The following SUPT3H variants were observed in gnomAD, a reference collection of about 807,000 sequenced individuals.
The protein encoded by SUPT3H is transcription initiation protein SPT3 homolog.
SUPT3H carries 44 observed loss-of-function variants against 44.3 expected under a neutral mutation model. The observed-to-expected ratio is 0.99, with a 90% CI of 0.78 to 1.28. SUPT3H has a LOEUF of 1.28. SUPT3H is among the 50% of genes most tolerant of loss of function. The pLI, the probability that SUPT3H is intolerant of heterozygous loss-of-function variation, is 0.00. For synonymous variants in SUPT3H, 124 were observed against 125.6 expected (o/e 0.99, Z 0.09); for missense variants, 380 against 387.1 (o/e 0.98, Z 0.15).
In SUPT3H at chr6:44,907,613, G is replaced by C. The variant is rs182387321; in HGVS notation, c.912+25040C>G. Among the ~76,000 whole-genome samples the C allele has an allele frequency of 1.7e-4, 26 of 152,316 alleles. 1 individual carries two copies. The East Asian group carries it at 4.8e-3, about 28-fold the overall frequency. ...GAGTTGCTTGAACCTGGGAGGCAGA[G>C]GTTGCAGTGAGCCCAGATCATGCCA... On this transcript the variant is annotated intron_variant, in intron 10 of 10. Transcript: ENST00000371459.
At chr6:45,033,210 A>G (rs987114133) in intron 3 of SUPT3H, among the ~76,000 whole-genome samples, 1 of 152,216 alleles carries the variant, frequency 6.6e-6, no homozygotes, top group African/African-American at 2.4e-5. Flanking sequence ...TTTTATTTCT[A>G]TCTTGTGATT....
intron 11 of SUPT3H, among the ~76,000 whole-genome samples, chr6:44,820,740 G>C (rs534992412): frequency 6.6e-6 from 1 of 152,210 alleles, no homozygotes; most frequent in South Asian, 2.1e-4. Context: ...TATTTTAGAA[G>C]ACAGTAAGTG....
At chr6:45,371,980 C>T (rs993076413) in intron 1 of SUPT3H, 7 of 854,674 alleles carry the variant, frequency 8.2e-6, no homozygotes, top group Non-Finnish European at 8.4e-6. Context: ...TGAGGTCCCC[C>T]GACACCTGGT....
intron 10 of SUPT3H, among the ~76,000 whole-genome samples, chr6:44,923,812 G>A (rs1172290901): frequency 6.6e-6 from 1 of 151,866 alleles, no homozygotes; most frequent in Non-Finnish European, 1.5e-5. Flanking sequence ...CCCCACATCT[G>A]CCTGCTGATT....
In SUPT3H at chr6:45,041,132, T is replaced by A. The variant is rs574447766; in HGVS notation, c.187-20500A>T. 5.9e-5 allele frequency among the ~76,000 whole-genome samples: 9 copies of A among 151,820 alleles called. No homozygotes were observed. The East Asian group carries it at 1.5e-3, about 26-fold the overall frequency. The stretch of plus-strand genomic sequence containing the variant: ...TGCCATCGTGATAAAAACAGCAATA[T>A]CCCTAGCTTCAAGGGGCTTCCATTA... On this transcript the variant is annotated intron_variant, in intron 3 of 10. Coordinates refer to ENST00000371459, the MANE Select transcript of SUPT3H (RefSeq NM_003599.4).
intron 1 of SUPT3H, among the ~76,000 whole-genome samples, 161 bp from the exon 2 acceptor site, chr6:45,365,462 T>C (rs1017053877): frequency 6.6e-6 from 1 of 151,888 alleles, no homozygotes; most frequent in Non-Finnish European, 1.5e-5. Flanking sequence ...TGTTCTTTAT[T>C]AAAATGAAAT....
chr6:45,181,749 G>C (rs1456579827), intron 2 of SUPT3H, among the ~76,000 whole-genome samples: 1 of 151,258 alleles, frequency 6.6e-6, no homozygotes, highest in African/African-American at 2.4e-5. Context: ...ATAGCACTGG[G>C]AGATATACCT....
intron 2 of SUPT3H, among the ~76,000 whole-genome samples, chr6:45,273,553 G>C (rs1180743387): frequency 6.6e-6 from 1 of 151,632 alleles, no homozygotes; most frequent in Non-Finnish European, 1.5e-5. Flanking sequence ...AGTTTATTTT[G>C]TTGTTTAAAA....
chr6:45,058,912 A>G (rs1370816478), intron 3 of SUPT3H, among the ~76,000 whole-genome samples: 1 of 152,026 alleles, frequency 6.6e-6, no homozygotes, highest in East Asian at 1.9e-4. Flanking sequence ...GTGTTTTATA[A>G]AGCTGTTTTT....
chr6:45,120,079 G>C (rs1208529707), intron 2 of SUPT3H, among the ~76,000 whole-genome samples: 1 of 151,926 alleles, frequency 6.6e-6, no homozygotes, highest in Non-Finnish European at 1.5e-5. Context: ...AAGACTTGAA[G>C]AGGTTAACTA....
chr6:45,328,133 G>A (rs1199048006), intron 2 of SUPT3H: 1 of 458,406 alleles, frequency 2.2e-6, no homozygotes, highest in Non-Finnish European at 3.5e-6. Flanking sequence ...TGCCAGGAAA[G>A]GCCTTACCAC....
At chr6:45,145,486 T>G (rs1322350077) in intron 2 of SUPT3H, among the ~76,000 whole-genome samples, 1 of 152,078 alleles carries the variant, frequency 6.6e-6, no homozygotes, top group African/African-American at 2.4e-5. Context: ...TGAAGCTGGA[T>G]CTTCATCTTT....
In SUPT3H at chr6:45,154,671, G is replaced by A. The variant is rs56232702; in HGVS notation, c.102-48665C>T. ...TTAGTCCCAGGCCATTGTTCTTCAG[G>A]CTCATTCATATCCCCTAAAAATCAT... On this transcript the variant is annotated intron_variant, in intron 2 of 10. Coordinates refer to ENST00000371459, the MANE Select transcript of SUPT3H (RefSeq NM_003599.4). 6.0e-3 allele frequency among the ~76,000 whole-genome samples: 918 copies of A among 152,120 alleles called. 14 individuals carry two copies. The highest frequency in any genetic ancestry group is 0.021 in the African/African-American group (876 of 41,502).
At chr6:45,116,927 A>G (rs939991293) in intron 2 of SUPT3H, among the ~76,000 whole-genome samples, 4 of 152,082 alleles carry the variant, frequency 2.6e-5, no homozygotes, top group Non-Finnish European at 4.4e-5. Flanking sequence ...TACTTGAAGA[A>G]ACCATACATC....
At chr6:45,287,628 AT>A (rs1316922035) in intron 2 of SUPT3H, among the ~76,000 whole-genome samples, 5 of 152,174 alleles carry the variant, frequency 3.3e-5, no homozygotes, top group Admixed American at 2.6e-4. Flanking sequence ...AGGAGCAGTT[AT>A]TGTTTAATGG....
chr6:45,372,353 T>C (rs928192774), intron 1 of SUPT3H, among the ~76,000 whole-genome samples: 2 of 152,208 alleles, frequency 1.3e-5, no homozygotes, highest in Non-Finnish European at 2.9e-5. Flanking sequence ...GATTAACTCA[T>C]GCAAAAGCAT....
Position 45,178,790 on chromosome 6 carries a change from C to T in SUPT3H, c.102-72784G>A, listed in dbSNP as rs535605763. 2.0e-5 allele frequency among the ~76,000 whole-genome samples: 3 copies of T among 152,244 alleles called. No individual in the cohort carries two copies. The East Asian group carries it at 5.8e-4, about 29-fold the overall frequency. On this transcript the variant is annotated intron_variant, in intron 2 of 10. Transcript: ENST00000371459. ...TCAAAAGCGCTCAAGTACATGGAAACTGAACAACCTGCTCCTGAATGACTA... is the reference window on the plus strand; with the variant it reads ...TCAAAAGCGCTCAAGTACATGGAAATTGAACAACCTGCTCCTGAATGACTA...
chr6:45,055,200 T>C (rs972978213), intron 3 of SUPT3H, among the ~76,000 whole-genome samples: 2 of 152,142 alleles, frequency 1.3e-5, no homozygotes, highest in African/African-American at 4.8e-5. Flanking sequence ...AAAGGTTCCA[T>C]GCTCATGGAG....
At chr6:45,211,570 GC>G (rs1414231778) in intron 2 of SUPT3H, among the ~76,000 whole-genome samples, 1 of 152,068 alleles carries the variant, frequency 6.6e-6, no homozygotes, top group Non-Finnish European at 1.5e-5. Flanking sequence ...AGAATTCTGG[GC>G]CAGGCGTGGT....
Sources: gnomAD v4.1 joint callset for allele counts (sites outside exome capture counted in the v4.1 genomes callset) on GRCh38, gnomAD v4.1.1 for gene constraint, MANE v1.5 for transcripts, NCBI Gene and HGNC (gene_info 2026-07-23, HGNC 2026-07-21) for gene names.